The following DLC1 variants were observed in gnomAD, a reference collection of about 807,000 sequenced individuals.
The protein encoded by DLC1 is rho GTPase-activating protein 7.
Under a neutral mutation model 140.3 loss-of-function variants are expected in DLC1, and 54 were observed. The observed-to-expected ratio is 0.38, with a 90% confidence interval of 0.31 to 0.48. DLC1 has a LOEUF of 0.48. Among genes scored for constraint, DLC1 ranks in the 20% least tolerant of loss-of-function variants. The probability of loss-of-function intolerance (pLI) is 0.96; values close to 1 mark genes in which losing one functional copy is unlikely to be tolerated. For synonymous variants in DLC1, 986 were observed against 728.1 expected, an observed-to-expected ratio of 1.35 and a Z score of -5.70; for missense variants, 2,536 against 1,907.0, an observed-to-expected ratio of 1.33 and a Z score of -6.14.
In DLC1 at chr8:13,367,049, A is replaced by T. The variant is rs113180435; in HGVS notation, c.1314+26504T>A. Among the ~76,000 whole-genome samples, 208 of 152,180 alleles carry T rather than the reference A, an allele frequency of 1.4e-3. 1 individual carries two copies. The highest frequency in any genetic ancestry group is 4.8e-3 in the African/African-American group (199 of 41,530). ...CCCTTTCCTCTCCATGTCTCCCTGG[A>T]GGCTGTATTCTGTATTTTATAATGC... On this transcript the variant is annotated intron_variant, in intron 4 of 17. Transcript: ENST00000276297.
intron 5 of DLC1, among the ~76,000 whole-genome samples, chr8:13,290,584 G>A (rs1831718435): frequency 6.6e-6 from 1 of 151,954 alleles, no homozygotes. Context: ...TATATAGTAG[G>A]GGAAAAATGT....
chr8:13,116,063 C>T, intron 5 of DLC1: 2 of 887,506 alleles, frequency 2.3e-6, no homozygotes, highest in Non-Finnish European at 2.7e-6. Context: ...AGTACCTCCA[C>T]CACCACGCTA....
chr8:13,521,821 C>A (rs1217708309), intron 1 of DLC1, among the ~76,000 whole-genome samples: 1 of 152,150 alleles, frequency 6.6e-6, no homozygotes, highest in African/African-American at 2.4e-5. Flanking sequence ...CATTTGAGAA[C>A]CTCAGTACAC....
chr8:13,263,935 CA>C (rs1438613238), intron 5 of DLC1, among the ~76,000 whole-genome samples: 5 of 151,732 alleles, frequency 3.3e-5, no homozygotes, highest in Non-Finnish European at 5.9e-5. Flanking sequence ...CAATAATATT[CA>C]TAACAGCAAA....
chr8:13,567,222 A>C (rs1169011433), intron 1 of DLC1: 1 of 1,551,588 alleles, frequency 6.4e-7, no homozygotes, highest in East Asian at 2.4e-5. Context: ...TGGACTATAA[A>C]AATTATGAAA....
chr8:13,122,097 A>C (rs907786270), intron 5 of DLC1, among the ~76,000 whole-genome samples: 1 of 151,966 alleles, frequency 6.6e-6, no homozygotes, highest in Non-Finnish European at 1.5e-5. Context: ...CCCCCAACAA[A>C]TCCGTCCTCC....
chr8:13,418,789 A>T (rs200494584), intron 2 of DLC1, among the ~76,000 whole-genome samples: 1 of 152,114 alleles, frequency 6.6e-6, no homozygotes, highest in Non-Finnish European at 1.5e-5. Context: ...CATGGAATCT[A>T]TAAATTACCT....
intron 2 of DLC1, among the ~76,000 whole-genome samples, chr8:13,415,449 G>C (rs1409349203): frequency 6.6e-6 from 1 of 150,586 alleles, no homozygotes; most frequent in African/African-American, 2.4e-5. Flanking sequence ...ACCCAGGCTG[G>C]AGTGTAGTAG....
intron 2 of DLC1, among the ~76,000 whole-genome samples, chr8:13,471,564 G>A (rs1305693433): frequency 1.3e-5 from 2 of 151,222 alleles, no homozygotes; most frequent in African/African-American, 4.9e-5. Context: ...AGAAAGAGAA[G>A]GAAAAATAGC....
chr8:13,380,687 C>G (rs1220848819), intron 4 of DLC1, among the ~76,000 whole-genome samples: 2 of 152,192 alleles, frequency 1.3e-5, no homozygotes, highest in Non-Finnish European at 2.9e-5. Context: ...TTCATAATCA[C>G]AGCTCAGGAC....
chr8:13,137,162 T>C, intron 5 of DLC1, among the ~76,000 whole-genome samples: 1 of 152,180 alleles, frequency 6.6e-6, no homozygotes, highest in Admixed American at 6.5e-5. Context: ...ATGAAGAGTG[T>C]CAACAAACAG....
chr8:13,437,147 T>C (rs916871667), intron 2 of DLC1, among the ~76,000 whole-genome samples: 2 of 152,220 alleles, frequency 1.3e-5, no homozygotes, highest in African/African-American at 4.8e-5. Flanking sequence ...GTCTACGCCA[T>C]TCCTACTGTT....
intron 2 of DLC1, among the ~76,000 whole-genome samples, chr8:13,453,083 T>C (rs1799143056): frequency 1.3e-5 from 2 of 151,766 alleles, no homozygotes; most frequent in African/African-American, 2.4e-5. Context: ...AAATGAGAAA[T>C]AGGTAAGTGA....
intron 5 of DLC1, among the ~76,000 whole-genome samples, chr8:13,231,908 T>G (rs1209665312): frequency 6.6e-6 from 1 of 152,226 alleles, no homozygotes; most frequent in Admixed American, 6.5e-5. Context: ...TATAGGCCCC[T>G]GTGTCCAGCT....
chr8:13,205,025 T>A (rs969091073), intron 5 of DLC1, among the ~76,000 whole-genome samples: 1 of 152,122 alleles, frequency 6.6e-6, no homozygotes, highest in African/African-American at 2.4e-5. Context: ...TCTTGCAACA[T>A]GGCATTTTGC....
At chr8:13,376,097 T>C (rs1586233304) in intron 4 of DLC1, among the ~76,000 whole-genome samples, 2 of 152,274 alleles carry the variant, frequency 1.3e-5, no homozygotes, top group South Asian at 2.1e-4. Context: ...CACATCGTCT[T>C]CGTGGCATCC....
At chr8:13,470,054 G>T (rs1459518892) in intron 2 of DLC1, among the ~76,000 whole-genome samples, 2 of 151,992 alleles carry the variant, frequency 1.3e-5, no homozygotes, top group East Asian at 1.9e-4. Flanking sequence ...CTTGTGCTCA[G>T]CCACCCATTC....
intron 5 of DLC1, among the ~76,000 whole-genome samples, chr8:13,294,133 G>T (rs1298570611): frequency 5.3e-5 from 8 of 152,094 alleles, no homozygotes; most frequent in Admixed American, 5.2e-4. Context: ...GCAAACCACT[G>T]ACCACCAATG....
chr8:13,116,505 T>G (rs774918860), intron 5 of DLC1, among the ~76,000 whole-genome samples: 3 of 152,184 alleles, frequency 2.0e-5, no homozygotes, highest in Non-Finnish European at 2.9e-5. Context: ...ATGAGAGTAC[T>G]CAGTTACACA....
Sources: allele counts gnomAD v4.1 joint callset (sites outside exome capture counted in the v4.1 genomes callset), GRCh38; gene constraint gnomAD v4.1.1; transcripts MANE v1.5; gene names NCBI Gene and HGNC (gene_info 2026-07-23, HGNC 2026-07-21).